The following CPAMD8 variants were observed in gnomAD, a reference collection of about 807,000 sequenced individuals.
The protein encoded by CPAMD8 is C3 and PZP-like alpha-2-macroglobulin domain-containing protein 8.
A neutral mutation model predicts 224.7 loss-of-function variants in CPAMD8; 146 were observed. The ratio of observed to expected loss-of-function variants is 0.65; its 90% CI spans 0.57 to 0.75. CPAMD8 has a LOEUF of 0.75. Among genes scored for constraint, CPAMD8 ranks in the 30% least tolerant of loss-of-function variants. The pLI is 0.00. For missense variants in CPAMD8, 2,301 were observed against 2,537.5 expected, an observed-to-expected ratio of 0.91 and a Z score of 2.00; for synonymous variants, 966 against 1,044.6, an observed-to-expected ratio of 0.92 and a Z score of 1.45.
intron 21 of CPAMD8, among the ~76,000 whole-genome samples, chr19:16,946,362 T>G (rs111165366): frequency 0.021 from 2,983 of 145,088 alleles, 36 homozygotes; most frequent in Middle Eastern, 0.028. Flanking sequence ...CACGTGGGGG[T>G]GTGTGTGTGT....
intron 16 of CPAMD8, 103 bp from the exon 17 acceptor site, chr19:16,975,361 G>A (rs79843187): frequency 0.016 from 14,479 of 883,284 alleles, 178 homozygotes; most frequent in Middle Eastern, 0.029. Flanking sequence ...TCTTTATCAC[G>A]TCATGACAAC....
chr19:16,905,545 AAAAAAAAAAAAAAAGGAAGAAAAG>A lies in CPAMD8; in HGVS notation c.4028-1017_4028-994del, dbSNP rs1422928179. On this transcript the variant is annotated intron_variant, in intron 30 of 41. Coordinates refer to ENST00000443236, the MANE Select transcript of CPAMD8 (RefSeq NM_015692.5). ...ACAAGAGCGAAACTCCGTTTCAAAA[AAAAAAAAAAAAAAAGGAAGAAAAG>A]AAAAAAAAAAAAAAAAAGAAAAAGG... 4.0e-3 allele frequency among the ~76,000 whole-genome samples: 585 copies of A among 146,418 alleles called. 3 individuals are homozygous for A. The highest frequency in any genetic ancestry group is 0.025 in the South Asian group (115 of 4,682).
intron 19 of CPAMD8, among the ~76,000 whole-genome samples, chr19:16,952,762 C>T (rs553797950): frequency 3.3e-5 from 5 of 152,100 alleles, no homozygotes; most frequent in South Asian, 2.1e-4. Context: ...GTTCATGGAT[C>T]GGAAAGACTT....
intron 1 of CPAMD8, among the ~76,000 whole-genome samples, chr19:17,024,448 G>C (rs1425730733): frequency 1.3e-5 from 2 of 152,172 alleles, no homozygotes; most frequent in African/African-American, 2.4e-5. Context: ...ACTGGAATGT[G>C]GCATCCTTTA....
chr19:16,906,362 CTTT>C (rs1568459216), intron 30 of CPAMD8, among the ~76,000 whole-genome samples: 52 of 48,412 alleles, frequency 1.1e-3, no homozygotes, highest in Non-Finnish European at 1.5e-3. Flanking sequence ...TTCTTTCTTT[CTTT>C]CTTTCTTTCT....
chr19:16,906,407 T>TTTCCTTCCTTCCTTCCTTCC (rs553500267), intron 30 of CPAMD8, among the ~76,000 whole-genome samples: 37 of 69,890 alleles, frequency 5.3e-4, no homozygotes, highest in African/African-American at 1.7e-3. Flanking sequence ...TCTTTCTTTC[T>TTTCCTTCCTTCCTTCCTTCC]TTCCTTCCTT....
At position 17,011,444 on chromosome 19, in the gene CPAMD8, G is replaced by GT; in HGVS notation, c.486+19dup. The GT allele has an allele frequency of 6.2e-7, 1 of 1,614,202 alleles. No individual in the cohort carries two copies. The highest frequency in any genetic ancestry group is 8.5e-7 in the Non-Finnish European group (1 of 1,180,030). ...CAAGTGGGTGCACTCCGGGCCCGCG[G>GT]TTTTAGAAGCTGATCTCACCTTCTC... is the stretch of plus-strand genomic sequence containing the variant. On this transcript the variant is annotated intron_variant, in intron 5 of 41. Transcript: ENST00000443236.
chr19:16,914,755 G>A lies in CPAMD8; in HGVS notation c.3688C>T (p.Pro1230Ser), dbSNP rs763979908. 9 of 1,614,106 alleles carry A rather than the reference G, an allele frequency of 5.6e-6. No homozygotes were observed. Among genetic ancestry groups the A allele is most frequent in the Non-Finnish European group, 6.8e-6 (8 of 1,180,010 alleles). Residue 1230 changes from proline to serine, a missense_variant, in exon 28 of 42, where the codon CCC becomes TCC. Around this residue, in one of 4 missense-constraint regions of CPAMD8, gnomAD observed 1,709 missense variants for 1,753.2 expected, o/e 0.97. Coordinates refer to ENST00000443236, the MANE Select transcript of CPAMD8 (RefSeq NM_015692.5). ...CTCTTGGCGGCAGCCAGCTCCCGGG[G>A]GTCCACGAAGATAAAGCTGCGAGCC... ...AQARSFIFVD[P>S]RELAAAKSWI... is the part of the protein sequence containing the mutation.
chr19:16,917,703 C>T (rs528729387), intron 27 of CPAMD8, among the ~76,000 whole-genome samples: 12 of 152,168 alleles, frequency 7.9e-5, no homozygotes, highest in East Asian at 3.9e-4. Flanking sequence ...ATTGTGCCAC[C>T]GCACTCTAGC....
At chr19:16,902,597 C>T (rs1049930965) in intron 35 of CPAMD8, 52 bp downstream of exon 35, 46 of 1,197,660 alleles carry the variant, frequency 3.8e-5, no homozygotes, top group African/African-American at 6.0e-5. Flanking sequence ...CCATCCTCTC[C>T]GCACATTGCA....
At chr19:16,911,013 G>A (rs1046429471) in intron 29 of CPAMD8, among the ~76,000 whole-genome samples, 4 of 152,212 alleles carry the variant, frequency 2.6e-5, no homozygotes, top group African/African-American at 4.8e-5. Context: ...ATGTATTTCT[G>A]TTGTTTTAAG....
Position 16,921,441 on chromosome 19 carries a change from C to CCCTCCCTGCCCTGGTCT in CPAMD8, c.3629+447_3629+463dup, listed in dbSNP as rs1428976562. On this transcript the variant is annotated intron_variant, in intron 27 of 41. Transcript: ENST00000443236. ...CCAGGTGTGCCCGGCCTCCCAGGGG[C>CCCTCCCTGCCCTGGTCT]CCTCCCTGCCCTGGTCTCCTCCCTG... Among the ~76,000 whole-genome samples, 8 of 152,174 alleles carry CCCTCCCTGCCCTGGTCT rather than the reference C, an allele frequency of 5.3e-5. No homozygotes were observed. In the Middle Eastern group the frequency reaches 0.01, roughly 194 times the overall value.
intron 3 of CPAMD8, 111 bp downstream of exon 3, chr19:17,020,220 C>T (rs2056919636): frequency 1.3e-6 from 1 of 798,000 alleles, no homozygotes; most frequent in East Asian, 2.6e-5. Context: ...GTGATCCACC[C>T]ACCTCGGCCT....
At chr19:16,959,285 T>C (rs1409450396) in intron 18 of CPAMD8, among the ~76,000 whole-genome samples, 4 of 151,680 alleles carry the variant, frequency 2.6e-5, no homozygotes, top group Non-Finnish European at 5.9e-5. Flanking sequence ...GTGATTCTCA[T>C]GCCTCAGCCT....
intron 23 of CPAMD8, among the ~76,000 whole-genome samples, chr19:16,929,605 C>T (rs1213695019): frequency 6.6e-6 from 1 of 152,128 alleles, no homozygotes; most frequent in Admixed American, 6.5e-5. Context: ...GAGGCCAAGG[C>T]AGGAGGATCG....
intron 5 of CPAMD8, 107 bp from the exon 6 acceptor site, chr19:17,009,427 G>A: frequency 5.7e-6 from 9 of 1,573,646 alleles, no homozygotes; most frequent in Non-Finnish European, 7.8e-6. Flanking sequence ...TCGCTGTTAT[G>A]GGTTAAACAG....
chr19:16,903,748 G>T lies in CPAMD8; in HGVS notation c.4361C>A (p.Thr1454Asn), dbSNP rs376798414. 5.0e-6 allele frequency: 8 copies of T among 1,614,184 alleles called. No homozygotes were observed. The highest frequency in any genetic ancestry group is 4.5e-5 in the East Asian group (2 of 44,874). Residue 1454 changes from threonine (T) to asparagine (N), a missense_variant, in exon 33 of 42, where the codon ACC becomes AAC. Physicochemically the swap from Thr to Asn is moderately conservative, Grantham distance 65. Transcript: ENST00000443236. ...LASTNLDYQETFELHRTNQKV... is the reference protein window; with the variant it reads ...LASTNLDYQENFELHRTNQKV... ...CTGGTTGGTCCTGTGCAGCTCGAAG[G>T]TTTCCTGGTAGTCCAGGTTGGTGGA...
At chr19:17,025,289 G>A (rs1279849601) in intron 1 of CPAMD8, among the ~76,000 whole-genome samples, 3 of 152,170 alleles carry the variant, frequency 2.0e-5, no homozygotes, top group African/African-American at 7.2e-5. Context: ...GCACACGCCT[G>A]TAATCCCAGC....
chr19:16,980,639 G>T lies in CPAMD8; in HGVS notation c.1443C>A (p.Asn481Lys). 6.3e-7 allele frequency: 1 copy of T among 1,593,264 alleles called. No individual in the cohort carries two copies. The highest frequency in any genetic ancestry group is 8.5e-7 in the Non-Finnish European group (1 of 1,171,028). Residue 481 changes from asparagine to lysine, a missense_variant, in exon 14 of 42, where the codon AAC (asparagine) becomes AAA (lysine). By Grantham distance (94) the Asn-to-Lys change is moderately conservative. Transcript: ENST00000443236. ...YFSVKSTCPC[N>K]FTLYYEVAAR... ...CAGCCACCTCGTAGTACAGGGTAAA[G>T]TTGCAGGGACATGTGGACTTCACAG...
Sources: allele counts gnomAD v4.1 joint callset (sites outside exome capture counted in the v4.1 genomes callset), GRCh38; gene constraint gnomAD v4.1.1; regional missense constraint gnomAD v4.1.1; transcripts MANE v1.5; gene names NCBI Gene and HGNC (gene_info 2026-07-23, HGNC 2026-07-21).